NSD3: variants seen among roughly 807,000 people sequenced by gnomAD.
NSD3 encodes the protein nuclear receptor binding SET domain protein 3.
NSD3 carries 24 observed loss-of-function variants against 160.8 expected under a neutral mutation model. The observed-to-expected ratio is 0.15, with a 90% CI of 0.11 to 0.21. The LOEUF (loss-of-function observed/expected upper bound fraction) is 0.21, where lower values mean the gene tolerates loss of function less well. NSD3 is among the 10% of genes least tolerant of loss of function. The pLI is 1.00. For missense variants in NSD3, 1,157 were observed against 1,735.9 expected (o/e 0.67, Z 5.93); for synonymous variants, 520 against 600.0 (o/e 0.87, Z 1.95).
chr8:38,321,019 G>A lies in NSD3; in HGVS notation c.1809+53C>T, dbSNP rs748637058. On this transcript the variant is annotated intron_variant, in intron 8 of 23. Coordinates refer to ENST00000317025, the MANE Select transcript of NSD3 (RefSeq NM_023034.2). This position sits in a 1 kb window ranked among gnomAD's most constrained non-coding sequence, Gnocchi z 4.7. ...TCTTTCTTTTAAGACAGGAATGTAA[G>A]CCACAACATTTACAAATACAATGTT... The A allele has an allele frequency of 6.6e-7, 1 of 1,519,576 alleles. No homozygotes were observed. The highest frequency in any genetic ancestry group is 2.3e-5 in the East Asian group (1 of 44,290). The allele number at this position is 1,519,576 out of a possible 1,614,324, so 94.1% of individuals were successfully genotyped here.
At chr8:38,349,688 TA>T (rs1810630825) in intron 1 of NSD3, among the ~76,000 whole-genome samples, 3 of 122,796 alleles carry the variant, frequency 2.4e-5, no homozygotes, top group African/African-American at 9.3e-5. Context: ...TATATATATA[TA>T]TATGTATTTA....
At position 38,279,631 on chromosome 8, in the gene NSD3, G is replaced by A; in HGVS notation, c.3669C>T (p.Asn1223=). 1 of 1,613,880 alleles carries A rather than the reference G, an allele frequency of 6.2e-7. No individual in the cohort carries two copies. The highest frequency in any genetic ancestry group is 8.5e-7 in the Non-Finnish European group (1 of 1,179,826). ...TTTCACAGTTGGGATTACAACTGTG[G>A]TTCATGAAGCGAGAATAATTTCCTT... is the stretch of plus-strand genomic sequence containing the variant. ...GPKGNYSRFM[N]HSCNPNCETQ... The change falls in exon 21 of 24, where the codon AAC becomes AAT. Residue 1223 remains asparagine, a synonymous_variant. Transcript: ENST00000317025.
At chr8:38,372,160 C>G (rs571184878) in intron 1 of NSD3, among the ~76,000 whole-genome samples, 4 of 152,086 alleles carry the variant, frequency 2.6e-5, no homozygotes, top group Non-Finnish European at 5.9e-5. Context: ...AAGAAATTAA[C>G]AATATAGACA....
chr8:38,339,989 T>C (rs1810320354), intron 2 of NSD3, among the ~76,000 whole-genome samples: 1 of 152,182 alleles, frequency 6.6e-6, no homozygotes, highest in Non-Finnish European at 1.5e-5. Context: ...TTGAAAATAT[T>C]TGGTACAATG....
At chr8:38,307,063 C>T (rs562698440) in intron 12 of NSD3, among the ~76,000 whole-genome samples, 1 of 146,628 alleles carries the variant, frequency 6.8e-6, no homozygotes, top group African/African-American at 2.5e-5. Context: ...TGCAGTGAGC[C>T]GAAATCGCGC....
chr8:38,325,006 T>C (rs1809873036), intron 7 of NSD3, among the ~76,000 whole-genome samples: 1 of 152,246 alleles, frequency 6.6e-6, no homozygotes, highest in South Asian at 2.1e-4. Flanking sequence ...TCTTTTGCCA[T>C]ATGCTTTATC....
intron 1 of NSD3, among the ~76,000 whole-genome samples, chr8:38,353,349 C>T (rs1810747106): frequency 6.6e-6 from 1 of 152,224 alleles, no homozygotes; most frequent in Non-Finnish European, 1.5e-5. Flanking sequence ...TGTTAACAAG[C>T]ATGGACCAAC....
At chr8:38,278,187 C>T (rs1433545300) in intron 22 of NSD3, 119 bp downstream of exon 22, 8 of 713,968 alleles carry the variant, frequency 1.1e-5, no homozygotes, top group South Asian at 2.1e-5. Context: ...ATCTGCCCGC[C>T]TTGGCCTCCC....
chr8:38,285,814 C>T (rs949713963), intron 19 of NSD3, among the ~76,000 whole-genome samples: 23 of 152,326 alleles, frequency 1.5e-4, no homozygotes, highest in Non-Finnish European at 7.4e-5. Context: ...ATCCTGTTGG[C>T]TCTACCTTCA....
chr8:38,331,239 G>A (rs561238414), intron 5 of NSD3, among the ~76,000 whole-genome samples, 192 bp downstream of exon 5: 17 of 152,110 alleles, frequency 1.1e-4, no homozygotes, highest in African/African-American at 1.4e-4. Context: ...ACTATACGTC[G>A]TTTATATGAC....
Position 38,317,389 on chromosome 8 carries a change from A to G in NSD3, c.1856-1347T>C. Reference sequence around the variant, plus strand: ...ATCACAAAATATTTCCTTGGCCTAAAAGATCACTGGATTAACAAGGAGTTT... The same window carrying G: ...ATCACAAAATATTTCCTTGGCCTAAGAGATCACTGGATTAACAAGGAGTTT... On this transcript the variant is annotated intron_variant, in intron 9 of 23. Transcript: ENST00000317025. This position sits in a 1 kb window ranked among gnomAD's most constrained non-coding sequence, Gnocchi z 5.3. 9.5e-7 allele frequency: 1 copy of G among 1,054,868 alleles called. No homozygotes were observed. Among genetic ancestry groups the G allele is most frequent in the Non-Finnish European group, 1.1e-6 (1 of 872,690 alleles). The allele number at this position is 1,054,868 out of a possible 1,614,324, so 65.3% of individuals were successfully genotyped here. A position where few individuals can be genotyped will look rare whatever the true frequency, so the allele number is the denominator to read the frequency against.
At chr8:38,366,803 T>C (rs1811117573) in intron 1 of NSD3, among the ~76,000 whole-genome samples, 1 of 152,150 alleles carries the variant, frequency 6.6e-6, no homozygotes, top group African/African-American at 2.4e-5. Context: ...TAAAATTAAA[T>C]TACATTAAAA....
At chr8:38,281,406 G>T in intron 20 of NSD3, 61 bp downstream of exon 20, 1 of 868,448 alleles carries the variant, frequency 1.2e-6, no homozygotes, top group Non-Finnish European at 1.7e-6. Context: ...TTCAAATTAA[G>T]ACTATGAAAC....
At chr8:38,344,813 T>C (rs1014847235) in intron 2 of NSD3, among the ~76,000 whole-genome samples, 4 of 152,148 alleles carry the variant, frequency 2.6e-5, no homozygotes, top group African/African-American at 7.2e-5. Flanking sequence ...GGATGCTTCT[T>C]TGGGCTTCCT....
chr8:38,378,721 G>A (rs1184123159), intron 1 of NSD3, among the ~76,000 whole-genome samples: 2 of 151,602 alleles, frequency 1.3e-5, no homozygotes, highest in African/African-American at 4.8e-5. Flanking sequence ...TACTCGGGAG[G>A]CTAAGGCACG....
chr8:38,345,513 T>C (rs1186247419), intron 2 of NSD3, among the ~76,000 whole-genome samples: 1 of 152,210 alleles, frequency 6.6e-6, no homozygotes, highest in Non-Finnish European at 1.5e-5. Context: ...CAAGTTGATA[T>C]TCCTTTATCC....
chr8:38,375,752 T>C (rs1464980030), intron 1 of NSD3, among the ~76,000 whole-genome samples: 3 of 152,034 alleles, frequency 2.0e-5, no homozygotes, highest in Admixed American at 1.3e-4. Context: ...GCTGGACATG[T>C]TTATTAACAA....
chr8:38,293,516 C>T (rs1467280347), intron 16 of NSD3, among the ~76,000 whole-genome samples: 1 of 151,656 alleles, frequency 6.6e-6, no homozygotes, highest in Non-Finnish European at 1.5e-5. Flanking sequence ...CACCACTGCA[C>T]TCCAGCCTGG....
chr8:38,308,031 T>G (rs1809448753), intron 12 of NSD3, among the ~76,000 whole-genome samples: 2 of 152,216 alleles, frequency 1.3e-5, no homozygotes, highest in African/African-American at 4.8e-5. Flanking sequence ...ACTTGTCAAA[T>G]GTTTATTGGT....
Sources: allele counts gnomAD v4.1 joint callset (sites outside exome capture counted in the v4.1 genomes callset), GRCh38; gene constraint gnomAD v4.1.1; non-coding constraint Gnocchi (gnomAD v3.1); transcripts MANE v1.5; gene names NCBI Gene and HGNC (gene_info 2026-07-23, HGNC 2026-07-21).